Variants in OXSM observed in about 807,000 individuals in gnomAD.
The protein encoded by OXSM is 3-oxoacyl-ACP synthase, mitochondrial, also known as 3-oxoacyl-[acyl-carrier-protein] synthase, mitochondrial.
A neutral mutation model predicts 29.2 loss-of-function variants in OXSM; 19 were observed. The ratio of observed to expected loss-of-function variants is 0.65; its 90% confidence interval spans 0.45 to 0.96. The LOEUF (loss-of-function observed/expected upper bound fraction) is 0.96. Among genes scored for constraint, OXSM ranks in the 40% least tolerant of loss-of-function variants. The pLI is 0.00. For synonymous variants in OXSM, 178 were observed against 197.1 expected (o/e 0.90, Z 0.81); for missense variants, 554 against 551.3 (o/e 1.00, Z -0.05).
Position 25,790,138 on chromosome 3 carries a change from C to T in OXSM, c.-41C>T, listed in dbSNP as rs1424956473. The T allele has an allele frequency of 5.9e-6, 3 of 508,360 alleles. No individual in the cohort carries two copies. Among genetic ancestry groups the T allele is most frequent in the Admixed American group, 3.7e-5 (1 of 26,842 alleles). 31.5% of individuals were successfully genotyped at this position (508,360 alleles called of 1,614,324 possible). On this transcript the variant is annotated 5_prime_UTR_variant, in exon 1 of 3. Transcript: ENST00000280701. ...ACTGTGGAGAAGTGTCCGGGGTAGC[C>T]CCGTTACAGGTATCGCTGGCTACCC...
chr3:25,791,680 TAG>T lies in OXSM; in HGVS notation c.662_663del (p.Arg221IlefsTer6). 1.2e-6 allele frequency: 2 copies of T among 1,614,032 alleles called. No individual in the cohort carries two copies. Among genetic ancestry groups the T allele is most frequent in the African/African-American group, 2.7e-5 (2 of 74,926 alleles). On this transcript the variant is annotated frameshift_variant, in exon 2 of 3. Transcript: ENST00000280701. LOFTEE classifies it high-confidence loss of function. ...GAGCTCATGCTGTGGGAGACTCATT[TAG>T]ATTTATAGCCCATGGTGATGCTGAT... ...TGAHAVGDSF[R>X]FIAHGDADVM...
intron 2 of OXSM, among the ~76,000 whole-genome samples, chr3:25,792,538 C>G (rs1195717064): frequency 6.6e-6 from 1 of 152,104 alleles, no homozygotes; most frequent in African/African-American, 2.4e-5. Flanking sequence ...ATTGCCCATG[C>G]TGGTCTTATC....
rs543916988 is a variant in OXSM at position 25,792,319 on chromosome 3, C to G, written c.977+322C>G. Among the ~76,000 whole-genome samples the G allele has an allele frequency of 4.6e-5, 7 of 152,320 alleles. No individual in the cohort carries two copies. The South Asian group carries it at 1.4e-3, about 32-fold the overall frequency. ...CCTCACAAAGTCCTCCTCTTTGACC[C>G]TTCATCAGACTTGGAAAGTAAAGTC... is the stretch of plus-strand genomic sequence containing the variant. On this transcript the variant is annotated intron_variant, in intron 2 of 2. Transcript: ENST00000280701.
rs779417119 is a variant in OXSM, at chr3:25,791,954, G to C, written c.934G>C (p.Gly312Arg). The C allele has an allele frequency of 3.1e-6, 5 of 1,600,080 alleles. No homozygotes were observed. The highest frequency in any genetic ancestry group is 2.2e-5 in the South Asian group (2 of 91,064). Reference protein sequence around the residue: ...VLGYGLSGDAGHITAPDPEGE... With the variant: ...VLGYGLSGDARHITAPDPEGE... ...GGGCTATGGACTCTCAGGTGATGCT[G>C]GTCACATAACTGCCCCTGATCCTGA... The change falls in exon 2 of 3, where the codon GGT becomes CGT. Residue 312 changes from glycine to arginine, a missense_variant. Transcript: ENST00000280701.
Position 25,794,442 on chromosome 3 carries a change from A to G in OXSM, c.1328A>G (p.Asn443Ser), listed in dbSNP as rs747709870. ...KTEKRFIGLT[N>S]SFGFGGTNAT... ...GAGAAAAGATTTATTGGCCTCACCA[A>G]TTCCTTTGGTTTTGGTGGTACTAAT... Residue 443 changes from asparagine to serine, a missense_variant, in exon 3 of 3, where the codon AAT (asparagine) becomes AGT (serine). Transcript: ENST00000280701. 4.3e-6 allele frequency: 7 copies of G among 1,613,894 alleles called. No homozygotes were observed. Among genetic ancestry groups the G allele is most frequent in the East Asian group, 2.2e-5 (1 of 44,890 alleles).
chr3:25,791,753 C>G lies in OXSM; in HGVS notation c.733C>G (p.Leu245Val), dbSNP rs372644482. The change falls in exon 2 of 3, where the codon CTT becomes GTT. Residue 245 changes from leucine (L) to valine (V), a missense_variant. Physicochemically the swap from Leu to Val is conservative, Grantham distance 32. Transcript: ENST00000280701. ...GTDSCISPLS[L>V]AGFSRARALS... ...AGATTCTTGTATTAGCCCTTTATCT[C>G]TTGCTGGGTTTTCCAGAGCCCGGGC... 3.1e-6 allele frequency: 5 copies of G among 1,613,984 alleles called. No individual in the cohort carries two copies. Among genetic ancestry groups the G allele is most frequent in the Non-Finnish European group, 4.2e-6 (5 of 1,180,032 alleles).
rs764681649 is a variant in OXSM, at chr3:25,791,335, C to T, written c.315C>T (p.Asn105=). Residue 105 remains asparagine, a synonymous_variant, in exon 2 of 3, where the codon AAC becomes AAT. Coordinates refer to ENST00000280701, the MANE Select transcript of OXSM (RefSeq NM_017897.3). ...ATGAAGGTCAGTTCAATGAACAAAA[C>T]TTTGTGTCCAAATCAGATATCAAGT... ...GSDEGQFNEQ[N]FVSKSDIKSM... 1 of 1,614,180 alleles carries T rather than the reference C, an allele frequency of 6.2e-7. No individual in the cohort carries two copies. The highest frequency in any genetic ancestry group is 1.7e-5 in the Admixed American group (1 of 60,032).
chr3:25,791,222 G>C lies in OXSM; in HGVS notation c.202G>C (p.Gly68Arg). ...GTHLVWDRLI[G>R]GESGIVSLVG... ...TCACCTGGTTTGGGATCGTCTTATC[G>C]GAGGAGAGAGTGGAATTGTTTCACT... Residue 68 changes from glycine to arginine, a missense_variant, in exon 2 of 3, where the codon GGA (glycine) becomes CGA (arginine). Transcript: ENST00000280701. 6.2e-6 allele frequency: 10 copies of C among 1,614,200 alleles called. No individual in the cohort carries two copies. The highest frequency in any genetic ancestry group is 8.5e-6 in the Non-Finnish European group (10 of 1,180,012).
At position 25,794,228 on chromosome 3, in the gene OXSM, T is replaced by C. The variant is rs750853865; in HGVS notation, c.1114T>C (p.Tyr372His). The C allele has an allele frequency of 6.2e-7, 1 of 1,614,256 alleles. No individual in the cohort carries two copies. Among genetic ancestry groups the C allele is most frequent in the African/African-American group, 1.3e-5 (1 of 75,072 alleles). ...CAAACATCTCTTCAAAGACCATGCA[T>C]ATGCCCTTGCAGTTTCCTCAACTAA... ...AIKHLFKDHA[Y>H]ALAVSSTKGA... is the part of the protein sequence containing the mutation. Residue 372 changes from tyrosine to histidine, a missense_variant, in exon 3 of 3, where the codon TAT (tyrosine) becomes CAT (histidine). By Grantham distance (83) the Tyr-to-His change is moderately conservative. Transcript: ENST00000280701.
Position 25,791,892 on chromosome 3 carries a change from C to T in OXSM, c.872C>T (p.Ala291Val), listed in dbSNP as rs1213496625. 1 of 1,609,440 alleles carries T rather than the reference C, an allele frequency of 6.2e-7. No homozygotes were observed. Among genetic ancestry groups the T allele is most frequent in the Non-Finnish European group, 8.5e-7 (1 of 1,179,916 alleles). Residue 291 changes from alanine to valine, a missense_variant, in exon 2 of 3, where the codon GCT (alanine) becomes GTT (valine). Coordinates refer to ENST00000280701, the MANE Select transcript of OXSM (RefSeq NM_017897.3). ...AVLVLEEYEH[A>V]VQRRARIYAE... ...CTGGTGCTGGAAGAATATGAACATG[C>T]TGTTCAAAGAAGAGCCCGGATCTAT...
In OXSM at chr3:25,791,179, T is replaced by C. The variant is rs1708737133; in HGVS notation, c.159T>C (p.Thr53=). 3 of 1,614,052 alleles carry C rather than the reference T, an allele frequency of 1.9e-6. No individual in the cohort carries two copies. Among genetic ancestry groups the C allele is most frequent in the African/African-American group, 2.7e-5 (2 of 74,920 alleles). Residue 53 remains threonine, a synonymous_variant, in exon 2 of 3, where the codon ACT becomes ACC. Transcript: ENST00000280701. ...TCATTACAGGCATTGGCTTAGTGAC[T>C]CCTCTTGGTGTTGGAACTCACCTGG... The part of the protein sequence containing the change: ...RVVITGIGLV[T]PLGVGTHLVW...
At chr3:25,792,380 A>G (rs1362415581) in intron 2 of OXSM, among the ~76,000 whole-genome samples, 1 of 152,234 alleles carries the variant, frequency 6.6e-6, no homozygotes. Context: ...GCTCCATTTC[A>G]ACAGGATTCT....
At position 25,790,986 on chromosome 3, in the gene OXSM, A is replaced by G; in HGVS notation, c.-31-4A>G. On this transcript the variant is annotated splice_polypyrimidine_tract_variant and splice_region_variant and intron_variant, in intron 1 of 2. Transcript: ENST00000280701. The stretch of plus-strand genomic sequence containing the variant: ...CCTCCTAGGTGTGTTGTGGTCTTTT[A>G]CAGGAATGTGTTTCTGATCATCTGA... 1.9e-6 allele frequency: 3 copies of G among 1,584,558 alleles called. No homozygotes were observed. Among genetic ancestry groups the G allele is most frequent in the Non-Finnish European group, 2.6e-6 (3 of 1,163,540 alleles).
intron 2 of OXSM, 50 bp from the exon 3 acceptor site, chr3:25,794,042 T>C: frequency 3.3e-6 from 5 of 1,508,830 alleles, no homozygotes; most frequent in Non-Finnish European, 4.5e-6. Flanking sequence ...AAAGAGACTT[T>C]TGTTAAAATT....
chr3:25,791,890 TGCTGTTCAAA>T lies in OXSM; in HGVS notation c.872_881del (p.Ala291GlufsTer21). On this transcript the variant is annotated frameshift_variant, in exon 2 of 3. Coordinates refer to ENST00000280701, the MANE Select transcript of OXSM (RefSeq NM_017897.3). LOFTEE classifies it high-confidence loss of function. ...TGCTGGTGCTGGAAGAATATGAACA[TGCTGTTCAAA>T]GAAGAGCCCGGATCTATGCAGAAGT... 1.2e-6 allele frequency: 2 copies of T among 1,609,996 alleles called. No individual in the cohort carries two copies. The highest frequency in any genetic ancestry group is 1.7e-6 in the Non-Finnish European group (2 of 1,179,954).
rs1437848029 is a variant in OXSM, at chr3:25,791,949, A to G, written c.929A>G (p.Asp310Gly). 6.2e-7 allele frequency: 1 copy of G among 1,600,546 alleles called. No homozygotes were observed. Among genetic ancestry groups the G allele is most frequent in the Non-Finnish European group, 8.5e-7 (1 of 1,179,828 alleles). The change falls in exon 2 of 3, where the codon GAT becomes GGT. Residue 310 changes from aspartate (D) to glycine (G), a missense_variant. Asp to Gly is a moderately conservative substitution (Grantham distance 94). Transcript: ENST00000280701. ...AEVLGYGLSGDAGHITAPDPE... is the reference protein window; with the variant it reads ...AEVLGYGLSGGAGHITAPDPE... ...GTTTTGGGCTATGGACTCTCAGGTG[A>G]TGCTGGTCACATAACTGCCCCTGAT...
chr3:25,793,866 T>C (rs1708817923), intron 2 of OXSM, among the ~76,000 whole-genome samples: 2 of 152,248 alleles, frequency 1.3e-5, no homozygotes, highest in South Asian at 4.1e-4. Context: ...TGTTTAACTC[T>C]TGGTGATGAA....
At position 25,794,207 on chromosome 3, in the gene OXSM, C is replaced by T. The variant is rs776271958; in HGVS notation, c.1093C>T (p.His365Tyr). ...GDAAENKAIK[H>Y]LFKDHAYALA... ...TGCTGCTGAAAACAAAGCTATCAAA[C>T]ATCTCTTCAAAGACCATGCATATGC... Residue 365 changes from histidine to tyrosine, a missense_variant, in exon 3 of 3, where the codon CAT (histidine) becomes TAT (tyrosine). Transcript: ENST00000280701. The T allele has an allele frequency of 6.2e-7, 1 of 1,614,232 alleles. No homozygotes were observed. Among genetic ancestry groups the T allele is most frequent in the Non-Finnish European group, 8.5e-7 (1 of 1,180,038 alleles).
At position 25,791,275 on chromosome 3, in the gene OXSM, T is replaced by A. The variant is rs769298430; in HGVS notation, c.255T>A (p.Pro85=). 1 of 1,614,220 alleles carries A rather than the reference T, an allele frequency of 6.2e-7. No homozygotes were observed. Among genetic ancestry groups the A allele is most frequent in the African/African-American group, 1.3e-5 (1 of 75,064 alleles). ...SLVGEEYKSI[P]CSVAAYVPRG... ...TTGGTGAAGAGTATAAGAGTATCCCTTGCAGTGTTGCTGCTTATGTGCCAA... is the reference window on the plus strand; with the variant it reads ...TTGGTGAAGAGTATAAGAGTATCCCATGCAGTGTTGCTGCTTATGTGCCAA... The change falls in exon 2 of 3, where the codon CCT becomes CCA. Residue 85 remains proline (P), a synonymous_variant. Coordinates refer to ENST00000280701, the MANE Select transcript of OXSM (RefSeq NM_017897.3).
Sources: allele counts gnomAD v4.1 joint callset (sites outside exome capture counted in the v4.1 genomes callset), GRCh38; gene constraint gnomAD v4.1.1; transcripts MANE v1.5; gene names NCBI Gene and HGNC (gene_info 2026-07-23, HGNC 2026-07-21).